The following MALRD1 variants were observed in gnomAD, a reference collection of about 807,000 sequenced individuals.
MALRD1 encodes MAM and LDL-receptor class A domain-containing protein 1.
A neutral mutation model predicts 242.1 loss-of-function variants in MALRD1; 247 were observed. The ratio of observed to expected loss-of-function variants is 1.02; its 90% CI spans 0.92 to 1.13. The LOEUF (loss-of-function observed/expected upper bound fraction) is 1.13. Ranked by LOEUF, MALRD1 falls within the 50% of genes most tolerant of loss-of-function variation. The pLI is 0.00. For missense variants in MALRD1, 2,989 were observed against 2,533.1 expected, an observed-to-expected ratio of 1.18 and a Z score of -3.86; for synonymous variants, 995 against 866.6, an observed-to-expected ratio of 1.15 and a Z score of -2.60.
At chr10:19,095,769 G>A (rs1244168601) in intron 4 of MALRD1, among the ~76,000 whole-genome samples, 1 of 152,152 alleles carries the variant, frequency 6.6e-6, no homozygotes, top group East Asian at 1.9e-4. Context: ...AACCGCTGGA[G>A]AAGTTATTTT....
At chr10:19,222,500 A>G (rs1206557698) in intron 18 of MALRD1, among the ~76,000 whole-genome samples, 1 of 152,216 alleles carries the variant, frequency 6.6e-6, no homozygotes, top group Non-Finnish European at 1.5e-5. Flanking sequence ...TACACGTGTA[A>G]TACGAAGAAA....
At chr10:19,673,842 T>C (rs546749660) in intron 36 of MALRD1, among the ~76,000 whole-genome samples, 60 of 151,938 alleles carry the variant, frequency 3.9e-4, no homozygotes, top group Non-Finnish European at 6.2e-4. Flanking sequence ...TTTTAATATA[T>C]GTACATAATA....
At chr10:19,603,164 A>C (rs371391597) in intron 34 of MALRD1, among the ~76,000 whole-genome samples, 2 of 151,968 alleles carry the variant, frequency 1.3e-5, no homozygotes, top group African/African-American at 4.8e-5. Context: ...TCTGATGGTA[A>C]TTTCTTTTGC....
intron 28 of MALRD1, among the ~76,000 whole-genome samples, chr10:19,391,521 A>T (rs1846335779): frequency 6.6e-6 from 1 of 151,734 alleles, no homozygotes. Context: ...TTCTTTCTTT[A>T]CTCTTCGTCT....
At chr10:19,125,974 A>G (rs1322797307) in intron 7 of MALRD1, among the ~76,000 whole-genome samples, 6 of 152,058 alleles carry the variant, frequency 3.9e-5, no homozygotes, top group African/African-American at 1.4e-4. Flanking sequence ...ATGAGCTCCC[A>G]TAGTACCTGT....
At chr10:19,281,455 G>C (rs1301876408) in intron 20 of MALRD1, among the ~76,000 whole-genome samples, 1 of 152,176 alleles carries the variant, frequency 6.6e-6, no homozygotes. Flanking sequence ...TAGAGGGGAA[G>C]TTTTGATAAA....
intron 38 of MALRD1, among the ~76,000 whole-genome samples, chr10:19,696,530 G>T (rs777611236): frequency 4.6e-5 from 7 of 152,054 alleles, no homozygotes; most frequent in Non-Finnish European, 7.4e-5. Context: ...TAAGCAGACA[G>T]CTATCTTGAT....
At chr10:19,343,824 T>C (rs930368652) in intron 24 of MALRD1, among the ~76,000 whole-genome samples, 2 of 152,134 alleles carry the variant, frequency 1.3e-5, no homozygotes, top group African/African-American at 4.8e-5. Flanking sequence ...CTTGTGATGA[T>C]TTGGTGGTGT....
chr10:19,726,413 A>G (rs1257116400), intron 38 of MALRD1, among the ~76,000 whole-genome samples: 6 of 152,178 alleles, frequency 3.9e-5, no homozygotes, highest in Non-Finnish European at 2.9e-5. Context: ...ATCCACTGAG[A>G]TAGCAATAAT....
At chr10:19,151,945 A>G (rs1306299047) in intron 11 of MALRD1, among the ~76,000 whole-genome samples, 1 of 152,206 alleles carries the variant, frequency 6.6e-6, no homozygotes, top group Non-Finnish European at 1.5e-5. Flanking sequence ...TGAAAGTTAT[A>G]GAGACTGGCC....
chr10:19,155,165 C>T lies in MALRD1; in HGVS notation c.1649C>T (p.Pro550Leu). 1 of 1,231,094 alleles carries T rather than the reference C, an allele frequency of 8.1e-7. No individual in the cohort carries two copies. Among genetic ancestry groups the T allele is most frequent in the Non-Finnish European group, 1.0e-6 (1 of 987,466 alleles). The allele number at this position is 1,231,094 out of a possible 1,614,324, so 76.3% of individuals were successfully genotyped here. Residue 550 changes from proline to leucine, a missense_variant, in exon 12 of 40, where the codon CCA (proline) becomes CTA (leucine). By Grantham distance (98) the Pro-to-Leu change is moderately conservative. Coordinates refer to ENST00000454679, the MANE Select transcript of MALRD1 (RefSeq NM_001142308.3). ...ACAAAATTGCTCACTGCCTCTACCC[C>T]ATGTCAGGTAATCAACTGTTCTGAA... ...VLTKLLTAST[P>L]CQVQFWYHLS...
rs71388859 is a variant in MALRD1 at position 19,705,804 on chromosome 10, T to TGAAAAAAAAAAAAAAAAA, written c.6314+13250_6314+13251insGAAAAAAAAAAAAAAAAA. Among the ~76,000 whole-genome samples, 158 of 102,778 alleles carry TGAAAAAAAAAAAAAAAAA rather than the reference T, an allele frequency of 1.5e-3. 3 individuals carry two copies. The highest frequency in any genetic ancestry group is 5.7e-3 in the Middle Eastern group (1 of 174). The allele number at this position is 102,778 out of a possible 152,430, so 67.4% of individuals were successfully genotyped here. A position where few individuals can be genotyped will look rare whatever the true frequency, so the allele number is the denominator to read the frequency against. On this transcript the variant is annotated intron_variant, in intron 38 of 39. Coordinates refer to ENST00000454679, the MANE Select transcript of MALRD1 (RefSeq NM_001142308.3). ...ACCTTGTTCTCATGTCCTGCAATAG[T>TGAAAAAAAAAAAAAAAAA]AAAAAAAAAAAAAAGCCCACAAGAG...
chr10:19,370,696 A>G (rs181218764), intron 26 of MALRD1, among the ~76,000 whole-genome samples: 1 of 151,270 alleles, frequency 6.6e-6, no homozygotes, highest in African/African-American at 2.4e-5. Flanking sequence ...TTGTGTCTCA[A>G]CCTCCTGGGT....
intron 31 of MALRD1, among the ~76,000 whole-genome samples, chr10:19,504,562 C>T (rs910280197): frequency 6.6e-6 from 1 of 151,920 alleles, no homozygotes; most frequent in Non-Finnish European, 1.5e-5. Flanking sequence ...TACTCATATG[C>T]ACTCAAACAT....
In MALRD1 at chr10:19,144,851, T is replaced by C. The variant is rs74865698; in HGVS notation, c.1412-1347T>C. Among the ~76,000 whole-genome samples, 601 of 152,274 alleles carry C rather than the reference T, an allele frequency of 3.9e-3. 3 individuals are homozygous for C. The highest frequency in any genetic ancestry group is 0.013 in the African/African-American group (550 of 41,572). On this transcript the variant is annotated intron_variant, in intron 10 of 39. Coordinates refer to ENST00000454679, the MANE Select transcript of MALRD1 (RefSeq NM_001142308.3). ...AGTGTTAAGAATTAAGGTTAATATATGTAAAATGCCTGCTACATACTTGGA... is the reference window on the plus strand; with the variant it reads ...AGTGTTAAGAATTAAGGTTAATATACGTAAAATGCCTGCTACATACTTGGA...
intron 10 of MALRD1, among the ~76,000 whole-genome samples, chr10:19,140,185 C>A (rs970844585): frequency 6.6e-6 from 1 of 152,108 alleles, no homozygotes; most frequent in Non-Finnish European, 1.5e-5. Flanking sequence ...TCACAGAGAG[C>A]TGATTAACTT....
intron 28 of MALRD1, among the ~76,000 whole-genome samples, chr10:19,441,666 T>C (rs1834659570): frequency 6.6e-6 from 1 of 152,094 alleles, no homozygotes; most frequent in South Asian, 2.1e-4. Context: ...ATTTCTAAGG[T>C]TTCTGTTCTG....
intron 12 of MALRD1, among the ~76,000 whole-genome samples, chr10:19,164,448 G>T (rs953520737): frequency 1.3e-5 from 2 of 152,022 alleles, no homozygotes; most frequent in African/African-American, 4.8e-5. Context: ...AAAATATAAT[G>T]AACCTGAAAA....
intron 21 of MALRD1, among the ~76,000 whole-genome samples, chr10:19,305,707 G>A (rs1332270270): frequency 1.3e-5 from 2 of 148,196 alleles, no homozygotes; most frequent in Middle Eastern, 3.2e-3. Flanking sequence ...TCTGTCCTCA[G>A]CATACTGCTG....
Sources: gnomAD v4.1 joint callset for allele counts (sites outside exome capture counted in the v4.1 genomes callset) on GRCh38, gnomAD v4.1.1 for gene constraint, MANE v1.5 for transcripts, NCBI Gene and HGNC (gene_info 2026-07-23, HGNC 2026-07-21) for gene names.